The following FRYL variants were observed in gnomAD, a reference collection of about 807,000 sequenced individuals.
FRYL encodes the protein FRY like transcription coactivator.
Under a neutral mutation model 351.2 loss-of-function variants are expected in FRYL, and 150 were observed. The observed-to-expected ratio is 0.43, with a 90% CI of 0.37 to 0.49. The LOEUF (loss-of-function observed/expected upper bound fraction) is 0.49. Among genes scored for constraint, FRYL ranks in the 20% least tolerant of loss-of-function variants. FRYL has a pLI of 0.00. For missense variants in FRYL, 3,036 were observed against 3,619.3 expected, an observed-to-expected ratio of 0.84 and a Z score of 4.13; for synonymous variants, 1,153 against 1,257.1, an observed-to-expected ratio of 0.92 and a Z score of 1.75.
At chr4:48,591,766 C>G (rs934579512) in intron 16 of FRYL, among the ~76,000 whole-genome samples, 6 of 152,104 alleles carry the variant, frequency 3.9e-5, no homozygotes, top group African/African-American at 1.4e-4. Context: ...ACCACCCATA[C>G]CAGATCACCC....
intron 4 of FRYL, among the ~76,000 whole-genome samples, chr4:48,624,766 A>G (rs1751424770): frequency 6.6e-6 from 1 of 152,206 alleles, no homozygotes; most frequent in African/African-American, 2.4e-5. Flanking sequence ...GATGAGATTA[A>G]CATGTGAATC....
chr4:48,579,635 G>A (rs1376249404), intron 22 of FRYL, among the ~76,000 whole-genome samples: 1 of 152,126 alleles, frequency 6.6e-6, no homozygotes, highest in Non-Finnish European at 1.5e-5. Flanking sequence ...TCAAAAATGA[G>A]CTCTTCTCCA....
At chr4:48,671,909 A>G (rs1762829016) in intron 3 of FRYL, among the ~76,000 whole-genome samples, 1 of 147,418 alleles carries the variant, frequency 6.8e-6, no homozygotes, top group East Asian at 2.0e-4. Context: ...AGACAGAAAA[A>G]GGTGCTCTGT....
chr4:48,623,161 A>T lies in FRYL; in HGVS notation c.139T>A (p.Ser47Thr). The T allele has an allele frequency of 6.4e-7, 1 of 1,551,922 alleles. No homozygotes were observed. The highest frequency in any genetic ancestry group is 1.4e-5 in the African/African-American group (1 of 71,980). ...TGAAGATCTTCACCCCTCTGAAGAG[A>T]TCTGGACAATAGCTTCTCCTATGAT... Reference protein sequence around the residue: ...AEPLEKLLSRSLQRGEDLQFD... With the variant: ...AEPLEKLLSRTLQRGEDLQFD... The change falls in exon 5 of 64, where the codon TCT becomes ACT. Residue 47 changes from serine (S) to threonine (T), a missense_variant. Around this residue, in one of 7 missense-constraint regions of FRYL, gnomAD observed 457 missense variants for 566.6 expected, o/e 0.81. Coordinates refer to ENST00000358350, the MANE Select transcript of FRYL (RefSeq NM_015030.2).
chr4:48,552,244 GGTGTGTGTGTGTGTGT>G (rs67155390), intron 36 of FRYL, among the ~76,000 whole-genome samples: 23 of 145,342 alleles, frequency 1.6e-4, no homozygotes, highest in South Asian at 2.2e-4. Flanking sequence ...AGTCCAAAGG[GGTGTGTGTGTGTGTGT>G]GTGTGTGTGT....
At chr4:48,686,725 T>G (rs992178557) in intron 2 of FRYL, among the ~76,000 whole-genome samples, 3 of 152,266 alleles carry the variant, frequency 2.0e-5, no homozygotes, top group Admixed American at 1.3e-4. Flanking sequence ...TCATTTTGCT[T>G]TGCTTTTGCA....
At chr4:48,777,700 T>C (rs1776168028) in intron 1 of FRYL, among the ~76,000 whole-genome samples, 1 of 152,260 alleles carries the variant, frequency 6.6e-6, no homozygotes, top group South Asian at 2.1e-4. Context: ...AGAAATTCTT[T>C]TATTGTTTAA....
At chr4:48,575,895 G>A (rs1432019576) in intron 24 of FRYL, 135 bp downstream of exon 24, 21 of 640,012 alleles carry the variant, frequency 3.3e-5, no homozygotes, top group Non-Finnish European at 5.2e-5. Flanking sequence ...CTTTCTTGAG[G>A]TATTTTCCTT....
intron 1 of FRYL, chr4:48,727,327 T>G (rs1453151080): frequency 1.3e-5 from 2 of 152,012 alleles, no homozygotes; most frequent in African/African-American, 2.4e-5. Flanking sequence ...CAACAACAAC[T>G]AATCTTAGCT....
chr4:48,576,305 T>TTC, intron 23 of FRYL, 83 bp from the exon 24 acceptor site: 1 of 218,798 alleles, frequency 4.6e-6, no homozygotes, highest in Non-Finnish European at 7.1e-6. Context: ...GCTAAATTTC[T>TTC]TTTTTTTTTT....
At chr4:48,778,927 T>C (rs1182928540) in intron 1 of FRYL, among the ~76,000 whole-genome samples, 1 of 152,122 alleles carries the variant, frequency 6.6e-6, no homozygotes. Context: ...GAAGTAATAT[T>C]TTCCGCAGTT....
intron 35 of FRYL, among the ~76,000 whole-genome samples, chr4:48,554,233 C>T (rs1733566995): frequency 6.6e-6 from 1 of 152,202 alleles, no homozygotes; most frequent in Non-Finnish European, 1.5e-5. Flanking sequence ...AGGCCCACCC[C>T]ACCTCCAGAA....
rs1364197501 is a variant in FRYL, at chr4:48,594,003, A to T, written c.1262T>A (p.Phe421Tyr). 2 of 1,483,536 alleles carry T rather than the reference A, an allele frequency of 1.3e-6. No individual in the cohort carries two copies. Among genetic ancestry groups the T allele is most frequent in the Non-Finnish European group, 1.8e-6 (2 of 1,116,854 alleles). The allele number at this position is 1,483,536 out of a possible 1,614,324, so 91.9% of individuals were successfully genotyped here. ...ATCAAATATTATTTCTTTCATTGCA[A>T]AATCCAAGCGTTCCTTAAAAAAAAA... ...IQFIAQERLD[F>Y]AMKEIIFDLL... Residue 421 changes from phenylalanine to tyrosine, a missense_variant, in exon 16 of 64, where the codon TTT becomes TAT. Phe to Tyr is a conservative substitution (Grantham distance 22, BLOSUM62 3). Around this residue, in one of 7 missense-constraint regions of FRYL, gnomAD observed 457 missense variants for 566.6 expected, o/e 0.81. Coordinates refer to ENST00000358350, the MANE Select transcript of FRYL (RefSeq NM_015030.2).
At chr4:48,754,782 C>T (rs2149671604) in intron 1 of FRYL, among the ~76,000 whole-genome samples, 1 of 151,390 alleles carries the variant, frequency 6.6e-6, no homozygotes, top group South Asian at 2.1e-4. Context: ...GCTGGGACTA[C>T]AGACATGAGC....
rs1227658189 is a variant in FRYL, at chr4:48,499,612, T to C, written c.8852A>G (p.Tyr2951Cys). ...CTGGCCCAGCGTCTGATGATGGAAATATATATGTAACAGTGTCTGTACAGG... is the reference window on the plus strand; with the variant it reads ...CTGGCCCAGCGTCTGATGATGGAAACATATATGTAACAGTGTCTGTACAGG... ...DDPVQTLLHI[Y>C]FHHQTLGQTG... is the part of the protein sequence containing the mutation. The change falls in exon 64 of 64, where the codon TAT (tyrosine) becomes TGT (cysteine). Residue 2951 changes from tyrosine to cysteine, a missense_variant. By Grantham distance (194) the Tyr-to-Cys change is radical. Transcript: ENST00000358350. 2 of 1,613,962 alleles carry C rather than the reference T, an allele frequency of 1.2e-6. No homozygotes were observed. Among genetic ancestry groups the C allele is most frequent in the Admixed American group, 3.3e-5 (2 of 60,000 alleles).
At position 48,498,060 on chromosome 4, in the gene FRYL, G is replaced by C. The variant is rs1285439787; in HGVS notation, c.*1362C>G. 1 of 151,730 alleles carries C rather than the reference G, an allele frequency of 6.6e-6. No homozygotes were observed. The highest frequency in any genetic ancestry group is 1.5e-5 in the Non-Finnish European group (1 of 67,918). The allele number at this position is 151,730 out of a possible 1,614,324, so 9.4% of individuals were successfully genotyped here. A position where few individuals can be genotyped will look rare whatever the true frequency, so the allele number is the denominator to read the frequency against. ...GTGTTTCTTTCAAATCAGGAGTTGTGGGACTACATTCTTTTTTTTTTTTTT... is the reference window on the plus strand; with the variant it reads ...GTGTTTCTTTCAAATCAGGAGTTGTCGGACTACATTCTTTTTTTTTTTTTT... On this transcript the variant is annotated 3_prime_UTR_variant, in exon 64 of 64. Transcript: ENST00000358350.
rs71191242 is a variant in FRYL, at chr4:48,632,106, A to ATATATATGTG, written c.120+2184_120+2185insCACATATATA. On this transcript the variant is annotated intron_variant, in intron 4 of 63. Coordinates refer to ENST00000358350, the MANE Select transcript of FRYL (RefSeq NM_015030.2). ...AAAAAAAAAAAATATATATATATAT[A>ATATATATGTG]TATATATATATATATATATATATGC... Among the ~76,000 whole-genome samples, 22 of 58,166 alleles carry ATATATATGTG rather than the reference A, an allele frequency of 3.8e-4. No individual in the cohort carries two copies. In the South Asian group the frequency reaches 0.011, roughly 28 times the overall value. The allele number at this position is 58,166 out of a possible 152,430, so 38.2% of individuals were successfully genotyped here. A position where few individuals can be genotyped will look rare whatever the true frequency, so the allele number is the denominator to read the frequency against.
intron 1 of FRYL, among the ~76,000 whole-genome samples, chr4:48,775,529 G>C (rs1775925118): frequency 1.3e-5 from 2 of 152,276 alleles, no homozygotes; most frequent in Admixed American, 6.5e-5. Context: ...GTAGCTTAAA[G>C]AAGGACGTGG....
At chr4:48,724,363 T>G (rs1418418979) in intron 1 of FRYL, among the ~76,000 whole-genome samples, 1 of 152,164 alleles carries the variant, frequency 6.6e-6, no homozygotes, top group Non-Finnish European at 1.5e-5. Flanking sequence ...CCCCTCTGCC[T>G]GGAAAGCTTT....
Sources: gnomAD v4.1 joint callset for allele counts (sites outside exome capture counted in the v4.1 genomes callset) on GRCh38, gnomAD v4.1.1 for gene constraint, gnomAD v4.1.1 regional missense constraint, MANE v1.5 for transcripts, NCBI Gene and HGNC (gene_info 2026-07-23, HGNC 2026-07-21) for gene names.